The following IVD variants were observed in gnomAD, a reference collection of about 807,000 sequenced individuals.
IVD encodes the protein isovaleryl-CoA dehydrogenase, mitochondrial.
IVD carries 31 observed loss-of-function variants against 51.3 expected under a neutral mutation model. The observed-to-expected ratio is 0.60, with a 90% CI of 0.45 to 0.81. The LOEUF (loss-of-function observed/expected upper bound fraction) is 0.81. Among genes scored for constraint, IVD ranks in the 40% least tolerant of loss-of-function variants. The probability of loss-of-function intolerance (pLI) is 0.00; values close to 1 mark genes in which losing one functional copy is unlikely to be tolerated. For missense variants in IVD, 475 were observed against 552.0 expected, an observed-to-expected ratio of 0.86 and a Z score of 1.40; for synonymous variants, 205 against 219.4, an observed-to-expected ratio of 0.93 and a Z score of 0.58.
intron 7 of IVD, 23 bp downstream of exon 7, chr15:40,413,110 G>A (rs1421878802): frequency 1.3e-6 from 2 of 1,584,930 alleles, no homozygotes; most frequent in South Asian, 1.1e-5. Flanking sequence ...GGGAATCGGG[G>A]AGCCCCTCTC....
chr15:40,416,395 C>G, intron 11 of IVD, 33 bp downstream of exon 11: 1 of 1,598,720 alleles, frequency 6.3e-7, no homozygotes, highest in South Asian at 1.1e-5. Flanking sequence ...TCCCGGGGCT[C>G]CCTCACTCCT....
chr15:40,415,598 C>G (rs1891582915), intron 9 of IVD, 116 bp downstream of exon 9: 10 of 873,336 alleles, frequency 1.1e-5, no homozygotes, highest in Non-Finnish European at 1.9e-5. Context: ...GCAAATTGAG[C>G]TTGACTGCTT....
chr15:40,406,431 C>T, intron 1 of IVD: 3 of 938,800 alleles, frequency 3.2e-6, no homozygotes, highest in Non-Finnish European at 4.5e-6. Context: ...TTTAAAAAGC[C>T]ACAGTGAGCT....
downstream of IVD, among the ~76,000 whole-genome samples, chr15:40,422,585 CTTTTTTTT>C (rs1157351420): frequency 0.041 from 2,806 of 69,152 alleles, 276 homozygotes; most frequent in East Asian, 0.091. Context: ...GCCCGGCCGA[CTTTTTTTT>C]TTTTTTTTTT....
chr15:40,424,907 C>A (rs982484993), downstream of IVD, among the ~76,000 whole-genome samples: 1 of 152,192 alleles, frequency 6.6e-6, no homozygotes, highest in African/African-American at 2.4e-5. Context: ...GGGCCAGAGC[C>A]CTGGCCTAAT....
intron 2 of IVD, 31 bp from the exon 3 acceptor site, chr15:40,407,908 C>T (rs775337640): frequency 6.2e-7 from 1 of 1,613,154 alleles, no homozygotes. Flanking sequence ...CCCCTCAACA[C>T]TTATTCCACT....
At chr15:40,406,230 G>GGCTGGGAGAGCT in intron 1 of IVD, 2 of 1,502,686 alleles carry the variant, frequency 1.3e-6, no homozygotes, top group South Asian at 2.4e-5. Flanking sequence ...GAGGAGTCGA[G>GGCTGGGAGAGCT]GCTGGGAGAG....
chr15:40,431,296 A>G, intron 7 of IVD, among the ~76,000 whole-genome samples: 1 of 152,062 alleles, frequency 6.6e-6, no homozygotes, highest in East Asian at 1.9e-4. Context: ...CTCCACTATT[A>G]TTAATGTGAC....
rs10518693 is a variant in IVD, at chr15:40,407,823, C to T, written c.234+98C>T. On this transcript the variant is annotated intron_variant, in intron 2 of 11. Transcript: ENST00000487418. ...TCACACAGTTTTCTGGTAAATGAAG[C>T]CTCTCTAAGAATGCAGCCCCTCTCT... The T allele has an allele frequency of 0.42, 596,758 of 1,431,454 alleles. 132,847 individuals are homozygous for T. Among genetic ancestry groups the T allele is most frequent in the East Asian group, 0.8 (35,235 of 43,932 alleles). 88.7% of individuals were successfully genotyped at this position (1,431,454 alleles called of 1,614,324 possible).
At position 40,416,992 on chromosome 15, in the gene IVD, G is replaced by C. The variant is rs138483448; in HGVS notation, c.1138+630G>C. ...AGGCCAGTGAATCACCTGAGATCAGGAGTTTGAGACCAGCCTGGCCAACAT... is the reference window on the plus strand; with the variant it reads ...AGGCCAGTGAATCACCTGAGATCAGCAGTTTGAGACCAGCCTGGCCAACAT... On this transcript the variant is annotated intron_variant, in intron 11 of 11. Transcript: ENST00000487418. Among the ~76,000 whole-genome samples, 413 of 152,008 alleles carry C rather than the reference G, an allele frequency of 2.7e-3. 2 individuals are homozygous for C. The highest frequency in any genetic ancestry group is 9.2e-3 in the African/African-American group (383 of 41,444).
In IVD at chr15:40,419,067, C is replaced by T. The variant is rs868156313; in HGVS notation, c.*804C>T. ...AGGAGAATTACTTGAACCCAGGAGG[C>T]GGACGTTGCAGTGAGCCGAGCTTGT... On this transcript the variant is annotated 3_prime_UTR_variant, in exon 12 of 12. Transcript: ENST00000487418. 1.9e-5 allele frequency: 18 copies of T among 963,818 alleles called. No homozygotes were observed. In the Middle Eastern group the frequency reaches 7.4e-4, roughly 39 times the overall value. The allele number at this position is 963,818 out of a possible 1,614,324, so 59.7% of individuals were successfully genotyped here.
At chr15:40,411,810 G>T in intron 6 of IVD, 119 bp downstream of exon 6, 4 of 1,240,046 alleles carry the variant, frequency 3.2e-6, no homozygotes, top group Non-Finnish European at 4.6e-6. Flanking sequence ...GCCCCCAGAG[G>T]TGGGGGTGAG....
downstream of IVD, among the ~76,000 whole-genome samples, chr15:40,428,573 G>T (rs576844747): frequency 2.0e-5 from 3 of 152,216 alleles, no homozygotes; most frequent in East Asian, 5.8e-4. Flanking sequence ...AGCCGCCCAG[G>T]TGCTTGGAAC....
chr15:40,429,486 A>G (rs1298454812), intron 7 of IVD, among the ~76,000 whole-genome samples: 1 of 152,140 alleles, frequency 6.6e-6, no homozygotes, highest in Non-Finnish European at 1.5e-5. Context: ...AAGACCCAGC[A>G]TGAGCACTAA....
intron 8 of IVD, chr15:40,433,934 T>C: frequency 2.2e-6 from 1 of 456,646 alleles, no homozygotes; most frequent in South Asian, 1.5e-5. Flanking sequence ...GAGATTGGCA[T>C]GAGAATGCAA....
chr15:40,411,198 C>A, intron 4 of IVD, 62 bp from the exon 5 acceptor site: 1 of 1,483,318 alleles, frequency 6.7e-7, no homozygotes, highest in Non-Finnish European at 9.4e-7. Flanking sequence ...GAGGCAGTAC[C>A]AGTGAGCTGC....
exon 9 of IVD, chr15:40,435,526 G>A (rs933721356): frequency 4.0e-6 from 5 of 1,236,524 alleles, no homozygotes; most frequent in East Asian, 1.3e-4. Context: ...AGATCCTCCT[G>A]CCTGAACTCA....
chr15:40,405,850 T>G lies in IVD; in HGVS notation c.23T>G (p.Leu8Arg). Residue 8 changes from leucine to arginine, a missense_variant, in exon 1 of 12, where the codon CTG becomes CGG. By Grantham distance (102) the Leu-to-Arg change is moderately radical. Transcript: ENST00000487418. MATATRL[L>R]GWRVASWRLR... ...GAGATGGCGACTGCGACTCGGCTGC[T>G]GGGGTGGCGTGTGGCGAGCTGGAGG... 6.2e-7 allele frequency: 1 copy of G among 1,612,528 alleles called. No individual in the cohort carries two copies. The highest frequency in any genetic ancestry group is 2.2e-5 in the East Asian group (1 of 44,850).
At chr15:40,424,245 A>G (rs1892538082), downstream of IVD, 1 of 1,223,796 alleles carries the variant, frequency 8.2e-7, no homozygotes, top group Non-Finnish European at 1.1e-6. Context: ...CAAGGCAAAT[A>G]TGACTCTGAT....
Sources: allele counts gnomAD v4.1 joint callset (sites outside exome capture counted in the v4.1 genomes callset), GRCh38; gene constraint gnomAD v4.1.1; transcripts MANE v1.5; gene names NCBI Gene and HGNC (gene_info 2026-07-23, HGNC 2026-07-21).